The following KCMF1 variants were observed in gnomAD, a reference collection of about 807,000 sequenced individuals.
The protein encoded by KCMF1 is E3 ubiquitin-protein ligase KCMF1.
Under a neutral mutation model 41.1 loss-of-function variants are expected in KCMF1, and 3 were observed. The observed-to-expected ratio is 0.07, with a 90% CI of 0.03 to 0.19. The LOEUF is 0.19. Among genes scored for constraint, KCMF1 ranks in the 10% least tolerant of loss-of-function variants. KCMF1 has a pLI of 1.00. For missense variants in KCMF1, 286 were observed against 488.9 expected (o/e 0.58, Z 3.91); for synonymous variants, 142 against 164.5 (o/e 0.86, Z 1.04).
intron 6 of KCMF1, among the ~76,000 whole-genome samples, chr2:85,052,133 G>A (rs141607813): frequency 3.7e-3 from 568 of 152,226 alleles, no homozygotes; most frequent in African/African-American, 0.013. Flanking sequence ...GCAATGGCAC[G>A]ATCTCGGCTC....
intron 4 of KCMF1, among the ~76,000 whole-genome samples, chr2:85,045,489 A>G (rs1675642390): frequency 1.3e-5 from 2 of 152,108 alleles, no homozygotes; most frequent in South Asian, 4.1e-4. Context: ...TTGGTACTTT[A>G]AAGGAAAAAT....
chr2:84,975,714 A>G (rs2103959117), intron 1 of KCMF1, among the ~76,000 whole-genome samples: 1 of 152,270 alleles, frequency 6.6e-6, no homozygotes, highest in South Asian at 2.1e-4. Context: ...TTTTATCTTG[A>G]TGTATTTTTT....
At chr2:85,017,828 A>G (rs1674818149) in intron 1 of KCMF1, among the ~76,000 whole-genome samples, 1 of 152,204 alleles carries the variant, frequency 6.6e-6, no homozygotes, top group Non-Finnish European at 1.5e-5. Context: ...CTGTAAACGA[A>G]TATTAAAAAC....
At chr2:85,004,528 A>G (rs547820026) in intron 1 of KCMF1, among the ~76,000 whole-genome samples, 1 of 150,856 alleles carries the variant, frequency 6.6e-6, no homozygotes, top group Non-Finnish European at 1.5e-5. Flanking sequence ...AAATAATAAT[A>G]AAAAAAAAGA....
chr2:84,987,148 G>A (rs1383269914), intron 1 of KCMF1, among the ~76,000 whole-genome samples: 1 of 152,212 alleles, frequency 6.6e-6, no homozygotes, highest in Non-Finnish European at 1.5e-5. Context: ...AGAAATGAAG[G>A]TGGGAGCAAG....
intron 1 of KCMF1, among the ~76,000 whole-genome samples, chr2:84,993,459 G>A (rs1369675751): frequency 1.3e-5 from 2 of 152,002 alleles, no homozygotes; most frequent in Non-Finnish European, 1.5e-5. Context: ...TGTATGGACC[G>A]AGATTAACAC....
chr2:84,971,320 C>T lies in KCMF1; in HGVS notation c.-132C>T, dbSNP rs1673385755. On this transcript the variant is annotated 5_prime_UTR_variant, in exon 1 of 7. Coordinates refer to ENST00000409785, the MANE Select transcript of KCMF1 (RefSeq NM_020122.5). ...CGCCGCCGCGGGAGCGCTCCCCTGC[C>T]CACCCCGCCCCCGCGGCCGAGCCCG... 3.4e-6 allele frequency: 1 copy of T among 294,898 alleles called. No homozygotes were observed. The allele number at this position is 294,898 out of a possible 1,614,324, so 18.3% of individuals were successfully genotyped here. A position where few individuals can be genotyped will look rare whatever the true frequency, so the allele number is the denominator to read the frequency against.
At chr2:85,028,101 T>C in intron 2 of KCMF1, 45 bp downstream of exon 2, 1 of 1,320,492 alleles carries the variant, frequency 7.6e-7, no homozygotes. Flanking sequence ...TAGAATTTTA[T>C]GTACGTTGAA....
At position 85,054,207 on chromosome 2, in the gene KCMF1, T is replaced by G. The variant is rs550462892; in HGVS notation, c.*798T>G. 1 of 152,380 alleles carries G rather than the reference T, an allele frequency of 6.6e-6. No individual in the cohort carries two copies. Among genetic ancestry groups the G allele is most frequent in the African/African-American group, 2.4e-5 (1 of 41,598 alleles). The allele number at this position is 152,380 out of a possible 1,614,324, so 9.4% of individuals were successfully genotyped here. A position where few individuals can be genotyped will look rare whatever the true frequency, so the allele number is the denominator to read the frequency against. Reference sequence around the variant, plus strand: ...AAAGTTTTTACTTTTTGTGGTTGTTTAAAATTTTTTCAATTGTTAAATATG... The same window carrying G: ...AAAGTTTTTACTTTTTGTGGTTGTTGAAAATTTTTTCAATTGTTAAATATG... On this transcript the variant is annotated 3_prime_UTR_variant, in exon 7 of 7. Coordinates refer to ENST00000409785, the MANE Select transcript of KCMF1 (RefSeq NM_020122.5).
At chr2:85,048,363 A>T (rs559927485) in intron 5 of KCMF1, among the ~76,000 whole-genome samples, 27 of 152,284 alleles carry the variant, frequency 1.8e-4, no homozygotes, top group Non-Finnish European at 3.8e-4. Flanking sequence ...CAAAATTGAG[A>T]AATTTTCTTC....
At chr2:84,994,679 A>G (rs532419114) in intron 1 of KCMF1, among the ~76,000 whole-genome samples, 10 of 152,184 alleles carry the variant, frequency 6.6e-5, no homozygotes, top group African/African-American at 1.4e-4. Context: ...CTGGGATTAC[A>G]GGCATGAGCC....
intron 1 of KCMF1, among the ~76,000 whole-genome samples, chr2:84,998,313 T>G (rs750245747): frequency 6.6e-6 from 1 of 152,064 alleles, no homozygotes; most frequent in Non-Finnish European, 1.5e-5. Flanking sequence ...CAGGCTGGTC[T>G]CAAACTCCTG....
intron 1 of KCMF1, among the ~76,000 whole-genome samples, chr2:85,024,383 G>A (rs2104022975): frequency 6.6e-6 from 1 of 152,314 alleles, no homozygotes; most frequent in Admixed American, 6.5e-5. Context: ...TGAGGCAGGA[G>A]AATTGCTTGA....
chr2:84,972,892 A>G (rs1673441659), intron 1 of KCMF1, among the ~76,000 whole-genome samples: 1 of 152,214 alleles, frequency 6.6e-6, no homozygotes, highest in South Asian at 2.1e-4. Context: ...AGTGTTGGGC[A>G]TTTTGAAATA....
At chr2:85,052,667 A>G (rs1558589092) in intron 6 of KCMF1, among the ~76,000 whole-genome samples, 1 of 152,226 alleles carries the variant, frequency 6.6e-6, no homozygotes, top group Non-Finnish European at 1.5e-5. Flanking sequence ...GCTTCTGCAT[A>G]TACCAAGAAG....
rs111874225 is a variant in KCMF1 at position 84,978,147 on chromosome 2, G to A, written c.16+6680G>A. On this transcript the variant is annotated intron_variant, in intron 1 of 6. Coordinates refer to ENST00000409785, the MANE Select transcript of KCMF1 (RefSeq NM_020122.5). Reference sequence around the variant, plus strand: ...CGAGTAGCTAGGATTACAGGCATGCGCCACCTCACCCAGCTAATTTTGTAT... The same window carrying A: ...CGAGTAGCTAGGATTACAGGCATGCACCACCTCACCCAGCTAATTTTGTAT... 5.2e-3 allele frequency among the ~76,000 whole-genome samples: 793 copies of A among 151,940 alleles called. 5 individuals are homozygous for A. Among genetic ancestry groups the A allele is most frequent in the African/African-American group, 0.018 (745 of 41,430 alleles).
chr2:85,054,310 A>T lies in KCMF1; in HGVS notation c.*901A>T, dbSNP rs1411266206. On this transcript the variant is annotated 3_prime_UTR_variant, in exon 7 of 7. Coordinates refer to ENST00000409785, the MANE Select transcript of KCMF1 (RefSeq NM_020122.5). ...CTGAATTATGTTGTCTTTGTTTTTA[A>T]AAATCTCACATTCTCAATCATATTT... 2 of 152,174 alleles carry T rather than the reference A, an allele frequency of 1.3e-5. No homozygotes were observed. The highest frequency in any genetic ancestry group is 2.9e-5 in the Non-Finnish European group (2 of 68,038). The allele number at this position is 152,174 out of a possible 1,614,324, so 9.4% of individuals were successfully genotyped here.
At chr2:85,018,663 A>T (rs1674848832) in intron 1 of KCMF1, among the ~76,000 whole-genome samples, 1 of 152,118 alleles carries the variant, frequency 6.6e-6, no homozygotes, top group Non-Finnish European at 1.5e-5. Flanking sequence ...GGTAAATGAA[A>T]CCTAAATATT....
intron 1 of KCMF1, among the ~76,000 whole-genome samples, chr2:85,026,713 C>G (rs1675117149): frequency 6.6e-6 from 1 of 152,006 alleles, no homozygotes; most frequent in African/African-American, 2.4e-5. Context: ...GTCTTGAACT[C>G]CTGGCCTCAA....
Sources: gnomAD v4.1 joint callset for allele counts (sites outside exome capture counted in the v4.1 genomes callset) on GRCh38, gnomAD v4.1.1 for gene constraint, MANE v1.5 for transcripts, NCBI Gene and HGNC (gene_info 2026-07-23, HGNC 2026-07-21) for gene names.